Variants in KDR observed in about 807,000 individuals in gnomAD.
The protein encoded by KDR is vascular endothelial growth factor receptor 2.
In KDR, 43 loss-of-function variants were observed where a neutral mutation model predicts 160.9. The observed-to-expected ratio is 0.27, with a 90% CI of 0.21 to 0.34. The LOEUF (loss-of-function observed/expected upper bound fraction) is 0.34, where lower values mean the gene tolerates loss of function less well. Among genes scored for constraint, KDR ranks in the 10% least tolerant of loss-of-function variants. KDR has a pLI of 1.00. For synonymous variants in KDR, 617 were observed against 600.1 expected, an observed-to-expected ratio of 1.03 and a Z score of -0.41; for missense variants, 1,469 against 1,666.4, an observed-to-expected ratio of 0.88 and a Z score of 2.06.
intron 1 of KDR, among the ~76,000 whole-genome samples, chr4:55,122,651 T>C (rs538475682): frequency 6.6e-6 from 1 of 152,146 alleles, no homozygotes; most frequent in Non-Finnish European, 1.5e-5. Context: ...CTGGTCAATA[T>C]CATGGTTTTT....
chr4:55,079,047 A>G lies in KDR; in HGVS notation c.*894T>C, dbSNP rs1001999565. Reference sequence around the variant, plus strand: ...TCTCAGACATATCACATCAGGACAGATATGAGGGTATTCATTCCAGAAGAA... The same window carrying G: ...TCTCAGACATATCACATCAGGACAGGTATGAGGGTATTCATTCCAGAAGAA... On this transcript the variant is annotated 3_prime_UTR_variant, in exon 30 of 30. Coordinates refer to ENST00000263923, the MANE Select transcript of KDR (RefSeq NM_002253.4). 1 of 233,196 alleles carries G rather than the reference A, an allele frequency of 4.3e-6. No homozygotes were observed. The highest frequency in any genetic ancestry group is 2.2e-5 in the African/African-American group (1 of 45,360). 14.4% of individuals were successfully genotyped at this position (233,196 alleles called of 1,614,324 possible).
At position 55,082,605 on chromosome 4, in the gene KDR, G is replaced by C. The variant is rs1479794991; in HGVS notation, c.3693C>G (p.Ser1231Arg). The stretch of plus-strand genomic sequence containing the variant: ...CAAATGTTTTTACACTCACAGGCCG[G>C]CTCTTTCGCTTACTGTTCTGCAGAT... The part of the protein sequence containing the change: ...SQYLQNSKRK[S>R]RPVSVKTFED... The change falls in exon 28 of 30, where the codon AGC becomes AGG. Residue 1231 changes from serine to arginine, a missense_variant. Physicochemically the swap from Ser to Arg is moderately radical, Grantham distance 110. Transcript: ENST00000263923. 1 of 1,613,842 alleles carries C rather than the reference G, an allele frequency of 6.2e-7. No homozygotes were observed. Among genetic ancestry groups the C allele is most frequent in the South Asian group, 1.1e-5 (1 of 91,064 alleles).
chr4:55,078,810 T>C lies in KDR; in HGVS notation c.*1131A>G. ...TAAATAATACAATAGATGTTATAATTTGGGCTATAAAATAATTTTGAAGTC... is the reference window on the plus strand; with the variant it reads ...TAAATAATACAATAGATGTTATAATCTGGGCTATAAAATAATTTTGAAGTC... On this transcript the variant is annotated 3_prime_UTR_variant, in exon 30 of 30. Transcript: ENST00000263923. 4.3e-6 allele frequency: 1 copy of C among 233,076 alleles called. No homozygotes were observed. Among genetic ancestry groups the C allele is most frequent in the Non-Finnish European group, 8.5e-6 (1 of 117,950 alleles). 14.4% of individuals were successfully genotyped at this position (233,076 alleles called of 1,614,324 possible). A position where few individuals can be genotyped will look rare whatever the true frequency, so the allele number is the denominator to read the frequency against.
At chr4:55,082,393 C>A (rs1578125036) in intron 28 of KDR, 143 bp downstream of exon 28, 3 of 667,678 alleles carry the variant, frequency 4.5e-6, no homozygotes, top group South Asian at 3.6e-5. Context: ...AAAGTTCCAT[C>A]TCCATAATGA....
At position 55,105,935 on chromosome 4, in the gene KDR, T is replaced by C. The variant is rs1720435922; in HGVS notation, c.1542A>G (p.Val514=). ...FALIEGKNKT[V]STLVIQAANV... ...TTGCCGCTTGGATAACAAGGGTACTTACAGTCTGTGCGGGGAAAAAACAAA... is the reference window on the plus strand; with the variant it reads ...TTGCCGCTTGGATAACAAGGGTACTCACAGTCTGTGCGGGGAAAAAACAAA... Residue 514 remains valine, a synonymous_variant, in exon 12 of 30, where the codon GTA becomes GTG. Coordinates refer to ENST00000263923, the MANE Select transcript of KDR (RefSeq NM_002253.4). 3 of 1,608,840 alleles carry C rather than the reference T, an allele frequency of 1.9e-6. No individual in the cohort carries two copies. The African/African-American group carries it at 4.0e-5, about 22-fold the overall frequency.
chr4:55,103,567 A>C (rs1720367634), intron 13 of KDR, among the ~76,000 whole-genome samples: 1 of 152,164 alleles, frequency 6.6e-6, no homozygotes, highest in African/African-American at 2.4e-5. Context: ...CAGAAAATCC[A>C]TGTGATCTAT....
At chr4:55,097,621 A>G in intron 18 of KDR, 41 bp downstream of exon 18, 1 of 1,291,560 alleles carries the variant, frequency 7.7e-7, no homozygotes, top group Non-Finnish European at 1.1e-6. Flanking sequence ...TAAAGACTAG[A>G]TAAAACAGAA....
intron 21 of KDR, 112 bp from the exon 22 acceptor site, chr4:55,092,826 A>T: frequency 1.3e-6 from 1 of 761,110 alleles, no homozygotes; most frequent in Non-Finnish European, 2.3e-6. Context: ...GTTTTTAGGA[A>T]ATAGAAGCAG....
intron 27 of KDR, among the ~76,000 whole-genome samples, chr4:55,086,521 A>G (rs1345465448): frequency 6.6e-6 from 1 of 151,734 alleles, no homozygotes; most frequent in Non-Finnish European, 1.5e-5. Context: ...TAATACATCA[A>G]AAAAAAAGAT....
At chr4:55,098,641 T>G (rs2110017933) in intron 16 of KDR, 56 bp downstream of exon 16, 1 of 1,330,794 alleles carries the variant, frequency 7.5e-7, no homozygotes, top group Middle Eastern at 1.8e-4. Context: ...CCCCAGTCAG[T>G]TTTCATTAAT....
rs1387690829 is a variant in KDR, at chr4:55,125,357, T to C, written c.-64A>G. The C allele has an allele frequency of 3.2e-5, 50 of 1,543,818 alleles. 1 individual carries two copies. Among genetic ancestry groups the C allele is most frequent in the Non-Finnish European group, 4.0e-5 (45 of 1,139,040 alleles). The stretch of plus-strand genomic sequence containing the variant: ...AGCCGGTTCTTTCTCCCAGCGCCTG[T>C]CTAGAGAAGGAGGCGCGGAGGTGGA... On this transcript the variant is annotated 5_prime_UTR_variant, in exon 1 of 30. Coordinates refer to ENST00000263923, the MANE Select transcript of KDR (RefSeq NM_002253.4).
intron 4 of KDR, 61 bp downstream of exon 4, chr4:55,115,220 A>G: frequency 1.4e-6 from 2 of 1,436,620 alleles, no homozygotes; most frequent in Admixed American, 1.7e-5. Context: ...CAGGTTACCC[A>G]TCTTAATATT....
chr4:55,112,825 C>T (rs986281492), intron 7 of KDR, among the ~76,000 whole-genome samples: 5 of 152,028 alleles, frequency 3.3e-5, no homozygotes, highest in East Asian at 1.9e-4. Context: ...CCACCGCGCC[C>T]GGCCTATACA....
Position 55,082,554 on chromosome 4 carries a change from T to G in KDR, c.3744A>C (p.Glu1248Asp). 1 of 1,612,456 alleles carries G rather than the reference T, an allele frequency of 6.2e-7. No homozygotes were observed. The highest frequency in any genetic ancestry group is 8.5e-7 in the Non-Finnish European group (1 of 1,178,532). Residue 1248 changes from glutamate (E) to aspartate (D), a missense_variant, in exon 28 of 30, where the codon GAA becomes GAC. By Grantham distance (45) the Glu-to-Asp change is conservative (BLOSUM62 2). Around this residue, in one of 7 missense-constraint regions of KDR, gnomAD observed 229 missense variants for 197.8 expected, o/e 1.16. Transcript: ENST00000263923. Reference sequence around the variant, plus strand: ...TACTTACATCTGGGATTACTTTTACTTCTGGTTCTTCTAACGGGATATCTT... The same window carrying G: ...TACTTACATCTGGGATTACTTTTACGTCTGGTTCTTCTAACGGGATATCTT... Reference protein sequence around the residue: ...TFEDIPLEEPEVKVIPDDNQT... With the variant: ...TFEDIPLEEPDVKVIPDDNQT...
chr4:55,109,613 T>C lies in KDR; in HGVS notation c.1255+790A>G, dbSNP rs892161102. Reference sequence around the variant, plus strand: ...GGGGAAAAAAGGTGCTCTGGTCAAATAGGTTTGTTAAACCTTGAATACTCT... The same window carrying C: ...GGGGAAAAAAGGTGCTCTGGTCAAACAGGTTTGTTAAACCTTGAATACTCT... On this transcript the variant is annotated intron_variant, in intron 9 of 29. Coordinates refer to ENST00000263923, the MANE Select transcript of KDR (RefSeq NM_002253.4). Among the ~76,000 whole-genome samples, 7 of 152,280 alleles carry C rather than the reference T, an allele frequency of 4.6e-5. No individual in the cohort carries two copies. In the East Asian group the frequency reaches 7.7e-4, roughly 17 times the overall value.
chr4:55,119,078 G>A (rs1310239907), intron 2 of KDR, among the ~76,000 whole-genome samples: 1 of 152,094 alleles, frequency 6.6e-6, no homozygotes, highest in East Asian at 1.9e-4. Context: ...GTGTGGTGGC[G>A]CATGCCTGTA....
At position 55,079,802 on chromosome 4, in the gene KDR, T is replaced by A; in HGVS notation, c.*139A>T. 1 of 767,758 alleles carries A rather than the reference T, an allele frequency of 1.3e-6. No homozygotes were observed. The highest frequency in any genetic ancestry group is 2.3e-6 in the Non-Finnish European group (1 of 437,636). The allele number at this position is 767,758 out of a possible 1,614,324, so 47.6% of individuals were successfully genotyped here. ...GGATATGCCTAGAAGACTGGCTCCC[T>A]GCAGTCCGAGGTCCTTTTTCTGTTG... On this transcript the variant is annotated 3_prime_UTR_variant, in exon 30 of 30. Coordinates refer to ENST00000263923, the MANE Select transcript of KDR (RefSeq NM_002253.4).
intron 27 of KDR, among the ~76,000 whole-genome samples, chr4:55,083,002 C>T (rs1719776118): frequency 6.6e-6 from 1 of 152,142 alleles, no homozygotes; most frequent in Non-Finnish European, 1.5e-5. Context: ...GAGTGTTTCA[C>T]ATCTGTCTGG....
At position 55,125,461 on chromosome 4, in the gene KDR, G is replaced by T. The variant is rs997224216; in HGVS notation, c.-168C>A. On this transcript the variant is annotated 5_prime_UTR_variant, in exon 1 of 30. Coordinates refer to ENST00000263923, the MANE Select transcript of KDR (RefSeq NM_002253.4). ...GGGCGCCGACCGCGGCTGCAGGGGCGTCTGCGGGTGCCGGTAGGAGAGGAT... is the reference window on the plus strand; with the variant it reads ...GGGCGCCGACCGCGGCTGCAGGGGCTTCTGCGGGTGCCGGTAGGAGAGGAT... 4.1e-6 allele frequency: 3 copies of T among 739,300 alleles called. No individual in the cohort carries two copies. The highest frequency in any genetic ancestry group is 2.7e-5 in the East Asian group (1 of 36,982). 45.8% of individuals were successfully genotyped at this position (739,300 alleles called of 1,614,324 possible). A position where few individuals can be genotyped will look rare whatever the true frequency, so the allele number is the denominator to read the frequency against.
Sources: allele counts gnomAD v4.1 joint callset (sites outside exome capture counted in the v4.1 genomes callset), GRCh38; gene constraint gnomAD v4.1.1; regional missense constraint gnomAD v4.1.1; transcripts MANE v1.5; gene names NCBI Gene and HGNC (gene_info 2026-07-23, HGNC 2026-07-21).